Variants in TOX observed in about 807,000 individuals in gnomAD.
TOX encodes the protein thymocyte selection-associated high mobility group box protein TOX.
A neutral mutation model predicts 53.7 loss-of-function variants in TOX; 11 were observed. The ratio of observed to expected loss-of-function variants is 0.20; its 90% CI spans 0.13 to 0.34. The LOEUF (loss-of-function observed/expected upper bound fraction) is 0.34. Among genes scored for constraint, TOX ranks in the 10% least tolerant of loss-of-function variants. The pLI is 1.00. For missense variants in TOX, 570 were observed against 664.6 expected (o/e 0.86, Z 1.56); for synonymous variants, 225 against 245.3 (o/e 0.92, Z 0.77).
chr8:58,939,743 G>A (rs1027754000), intron 2 of TOX, among the ~76,000 whole-genome samples, 199 bp from the exon 3 acceptor site: 3 of 152,134 alleles, frequency 2.0e-5, no homozygotes, highest in South Asian at 2.1e-4. Flanking sequence ...TCCACTTCTC[G>A]TATAAAGACC....
chr8:58,883,342 T>C (rs1291039970), intron 3 of TOX, among the ~76,000 whole-genome samples: 1 of 152,236 alleles, frequency 6.6e-6, no homozygotes, highest in Non-Finnish European at 1.5e-5. Flanking sequence ...AACAACCTTA[T>C]AGATCAAACA....
intron 1 of TOX, among the ~76,000 whole-genome samples, chr8:59,052,574 GT>G (rs1258061384): frequency 2.6e-5 from 4 of 152,170 alleles, no homozygotes; most frequent in African/African-American, 9.6e-5. Flanking sequence ...AAGCTACAAG[GT>G]GCTCTCCCCC....
Position 58,959,971 on chromosome 8 carries a change from G to A in TOX, c.140C>T (p.Pro47Leu), listed in dbSNP as rs751683918. The change falls in exon 2 of 9, where the codon CCG becomes CTG. Residue 47 changes from proline (P) to leucine (L), a missense_variant. Physicochemically the swap from Pro to Leu is moderately conservative, Grantham distance 98. Around this residue, in one of 3 missense-constraint regions of TOX, gnomAD observed 282 missense variants for 315.0 expected, o/e 0.90. Transcript: ENST00000361421. ...GENMYMSMTE[P>L]SQDYVPASQS... is the part of the protein sequence containing the mutation. ...GCTGGCTGGCACATAGTCCTGGCTC[G>A]GCTCTGTCATGCTCATATACATGTT... 1.9e-6 allele frequency: 3 copies of A among 1,614,146 alleles called. No homozygotes were observed. The highest frequency in any genetic ancestry group is 1.1e-5 in the South Asian group (1 of 91,076).
At chr8:58,844,360 G>A (rs952261353) in intron 4 of TOX, among the ~76,000 whole-genome samples, 2 of 152,180 alleles carry the variant, frequency 1.3e-5, no homozygotes, top group African/African-American at 4.8e-5. Flanking sequence ...AGACAGCACA[G>A]TATTTTGTAC....
intron 3 of TOX, among the ~76,000 whole-genome samples, chr8:58,901,724 G>A (rs1342317830): frequency 6.6e-6 from 1 of 152,138 alleles, no homozygotes; most frequent in African/African-American, 2.4e-5. Flanking sequence ...CAGTAAGAAT[G>A]AAGAAATCTT....
At chr8:59,091,399 G>A (rs1432315462) in intron 1 of TOX, among the ~76,000 whole-genome samples, 1 of 151,980 alleles carries the variant, frequency 6.6e-6, no homozygotes, top group Non-Finnish European at 1.5e-5. Flanking sequence ...ACTCTATCCT[G>A]GTTCTGATTG....
chr8:58,830,445 A>C (rs1263717923), intron 5 of TOX, among the ~76,000 whole-genome samples: 1 of 152,190 alleles, frequency 6.6e-6, no homozygotes, highest in Non-Finnish European at 1.5e-5. Flanking sequence ...GCATTTTTGA[A>C]ATGCTCTAAA....
chr8:59,009,015 T>C (rs1813846707), intron 1 of TOX, among the ~76,000 whole-genome samples: 1 of 152,098 alleles, frequency 6.6e-6, no homozygotes, highest in African/African-American at 2.4e-5. Flanking sequence ...GCTTTATCTG[T>C]CCCCTCATTC....
chr8:58,932,777 C>T (rs1281083697), intron 3 of TOX, among the ~76,000 whole-genome samples: 2 of 152,106 alleles, frequency 1.3e-5, no homozygotes, highest in African/African-American at 4.8e-5. Context: ...AACACTTCTG[C>T]TTCAGTTTCA....
At chr8:59,100,261 T>C (rs1246697903) in intron 1 of TOX, among the ~76,000 whole-genome samples, 2 of 152,214 alleles carry the variant, frequency 1.3e-5, no homozygotes, top group African/African-American at 4.8e-5. Context: ...CTAAAACACA[T>C]GGCCTAATTC....
chr8:59,027,000 C>G lies in TOX; in HGVS notation c.103-66992G>C, dbSNP rs748984565. ...GGAGTGAAGAAGAGGTGGAAGGTGA[C>G]TGCTGAAGGCTTTCGTGATTACCAA... On this transcript the variant is annotated intron_variant, in intron 1 of 8. Transcript: ENST00000361421. Among the ~76,000 whole-genome samples the G allele has an allele frequency of 3.0e-4, 45 of 151,702 alleles. 1 individual carries two copies. Among genetic ancestry groups the G allele is most frequent in the Non-Finnish European group, 5.3e-4 (36 of 67,974 alleles).
intron 1 of TOX, among the ~76,000 whole-genome samples, chr8:59,005,742 C>T (rs1010768148): frequency 6.6e-5 from 10 of 152,150 alleles, no homozygotes; most frequent in Non-Finnish European, 1.5e-4. Context: ...TGACAACCTT[C>T]TTGGAACTGA....
intron 1 of TOX, among the ~76,000 whole-genome samples, chr8:59,034,633 T>A (rs979007450): frequency 1.3e-5 from 2 of 152,168 alleles, no homozygotes; most frequent in Non-Finnish European, 2.9e-5. Context: ...CTCTGCACCC[T>A]CACTCAAGAA....
chr8:59,035,967 G>A (rs1291646571), intron 1 of TOX, among the ~76,000 whole-genome samples: 5 of 152,242 alleles, frequency 3.3e-5, no homozygotes, highest in African/African-American at 1.2e-4. Flanking sequence ...AAATGGCCCA[G>A]AGAAGTCATG....
chr8:59,038,367 G>A (rs1803511246), intron 1 of TOX, among the ~76,000 whole-genome samples: 1 of 152,160 alleles, frequency 6.6e-6, no homozygotes, highest in African/African-American at 2.4e-5. Flanking sequence ...AATAGCAGCA[G>A]CAACACAGTT....
At chr8:58,850,898 A>G (rs974779670) in intron 4 of TOX, among the ~76,000 whole-genome samples, 5 of 152,182 alleles carry the variant, frequency 3.3e-5, no homozygotes, top group African/African-American at 1.2e-4. Context: ...TCACAATGGT[A>G]AAAAGAAGAA....
rs528590252 is a variant in TOX, at chr8:58,904,593, T to C, written c.411+34709A>G. ...GTATTCCTGAATGGCTCAGAGATAATAGCTATACTCCAGTAATCACTTTTA... is the reference window on the plus strand; with the variant it reads ...GTATTCCTGAATGGCTCAGAGATAACAGCTATACTCCAGTAATCACTTTTA... On this transcript the variant is annotated intron_variant, in intron 3 of 8. Coordinates refer to ENST00000361421, the MANE Select transcript of TOX (RefSeq NM_014729.3). Among the ~76,000 whole-genome samples the C allele has an allele frequency of 5.9e-5, 9 of 152,308 alleles. No individual in the cohort carries two copies. In the East Asian group the frequency reaches 1.7e-3, roughly 29 times the overall value.
At chr8:59,020,476 C>G (rs986297141) in intron 1 of TOX, among the ~76,000 whole-genome samples, 2 of 152,168 alleles carry the variant, frequency 1.3e-5, no homozygotes, top group African/African-American at 2.4e-5. Context: ...TTTCTCCATG[C>G]CCACAACTAT....
At chr8:58,939,826 C>A (rs549647942) in intron 2 of TOX, among the ~76,000 whole-genome samples, 1 of 152,296 alleles carries the variant, frequency 6.6e-6, no homozygotes, top group African/African-American at 2.4e-5. Context: ...TTAAAATTTT[C>A]CAGAGTTTTA....
Sources: allele counts gnomAD v4.1 joint callset (sites outside exome capture counted in the v4.1 genomes callset), GRCh38; gene constraint gnomAD v4.1.1; regional missense constraint gnomAD v4.1.1; transcripts MANE v1.5; gene names NCBI Gene and HGNC (gene_info 2026-07-23, HGNC 2026-07-21).